The following CSMD3 variants were observed in gnomAD, a reference collection of about 807,000 sequenced individuals.
CSMD3 encodes CUB and sushi domain-containing protein 3.
A neutral mutation model predicts 435.2 loss-of-function variants in CSMD3; 177 were observed. The observed-to-expected ratio is 0.41, with a 90% confidence interval of 0.36 to 0.46. CSMD3 has a LOEUF of 0.46. Among genes scored for constraint, CSMD3 ranks in the 20% least tolerant of loss-of-function variants. The pLI is 0.34. For synonymous variants in CSMD3, 1,656 were observed against 1,520.5 expected, an observed-to-expected ratio of 1.09 and a Z score of -2.07; for missense variants, 4,265 against 4,504.6, an observed-to-expected ratio of 0.95 and a Z score of 1.52.
chr8:112,897,870 T>C (rs960851379), intron 10 of CSMD3, among the ~76,000 whole-genome samples: 1 of 151,236 alleles, frequency 6.6e-6, no homozygotes, highest in African/African-American at 2.4e-5. Context: ...GGAAATATTA[T>C]TTTTGTTATA....
rs576765906 is a variant in CSMD3, at chr8:112,259,025, C to T, written c.9863-3598G>A. Among the ~76,000 whole-genome samples, 44 of 151,616 alleles carry T rather than the reference C, an allele frequency of 2.9e-4. 1 individual carries two copies. The South Asian group carries it at 7.9e-3, about 27-fold the overall frequency. On this transcript the variant is annotated intron_variant, in intron 61 of 70. Transcript: ENST00000297405. ...CTGCACTCCAGCCTGGGCTACAGAG[C>T]GAGAATCTATCTCCCAAAAAAAAAA...
intron 1 of CSMD3, among the ~76,000 whole-genome samples, chr8:113,321,558 T>C (rs777214431): frequency 6.6e-6 from 1 of 152,188 alleles, no homozygotes; most frequent in Non-Finnish European, 1.5e-5. Flanking sequence ...TTATTTACAA[T>C]GTAATTTTTT....
At chr8:113,367,421 T>C (rs1261574249) in intron 1 of CSMD3, among the ~76,000 whole-genome samples, 1 of 152,070 alleles carries the variant, frequency 6.6e-6, no homozygotes, top group African/African-American at 2.4e-5. Flanking sequence ...AAGTTATAAA[T>C]TTATCCATTA....
chr8:112,288,058 G>GA (rs1412848632), intron 57 of CSMD3, among the ~76,000 whole-genome samples: 3 of 140,712 alleles, frequency 2.1e-5, no homozygotes, highest in East Asian at 4.4e-4. Context: ...GAGAAGGGTT[G>GA]AAAATATAAG....
chr8:112,589,126 C>T (rs1372674179), intron 22 of CSMD3, among the ~76,000 whole-genome samples: 1 of 152,140 alleles, frequency 6.6e-6, no homozygotes, highest in Admixed American at 6.6e-5. Context: ...AATTGCACGT[C>T]TAATCTTGCA....
rs114245060 is a variant in CSMD3 at position 112,632,979 on chromosome 8, A to G, written c.3715+3838T>C. The stretch of plus-strand genomic sequence containing the variant: ...AAAATATCATTTTTTCTGTTTTTAA[A>G]GTTTTTCCCAAAATGTGAAGTATAA... On this transcript the variant is annotated intron_variant, in intron 22 of 70. Coordinates refer to ENST00000297405, the MANE Select transcript of CSMD3 (RefSeq NM_198123.2). Among the ~76,000 whole-genome samples, 634 of 152,062 alleles carry G rather than the reference A, an allele frequency of 4.2e-3. 3 individuals are homozygous for G. Among genetic ancestry groups the G allele is most frequent in the African/African-American group, 0.014 (597 of 41,532 alleles).
At chr8:112,921,814 C>CT in intron 9 of CSMD3, 63 bp from the exon 10 acceptor site, 1 of 1,320,820 alleles carries the variant, frequency 7.6e-7, no homozygotes, top group African/African-American at 1.4e-5. Context: ...CTAGGCTTCA[C>CT]TTCTGCTGGC....
chr8:113,316,573 G>A (rs560102724), intron 1 of CSMD3, among the ~76,000 whole-genome samples: 18 of 146,816 alleles, frequency 1.2e-4, no homozygotes, highest in Admixed American at 1.2e-3. Flanking sequence ...TTTTTGAGAC[G>A]GAATCTTGCT....
chr8:113,379,393 C>T (rs1391733122), intron 1 of CSMD3, among the ~76,000 whole-genome samples: 4 of 151,894 alleles, frequency 2.6e-5, no homozygotes, highest in Admixed American at 1.3e-4. Flanking sequence ...AATAATATTC[C>T]ACAAGGCATA....
intron 3 of CSMD3, among the ~76,000 whole-genome samples, chr8:113,240,434 T>C (rs1010586467): frequency 6.6e-6 from 1 of 152,116 alleles, no homozygotes; most frequent in African/African-American, 2.4e-5. Flanking sequence ...AATTGTCCCA[T>C]TGTCTTCCAC....
rs764284781 is a variant in CSMD3, at chr8:112,335,386, G to C, written c.7108C>G (p.Leu2370Val). 1 of 1,613,888 alleles carries C rather than the reference G, an allele frequency of 6.2e-7. No homozygotes were observed. Among genetic ancestry groups the C allele is most frequent in the Non-Finnish European group, 8.5e-7 (1 of 1,179,856 alleles). The stretch of plus-strand genomic sequence containing the variant: ...GTGAAATCACTGTGGAATTTGATTA[G>C]AATCTGATTTGAAGTACTGTAGACT... ...ESVYSTSNQI[L>V]IKFHSDFTTS... The change falls in exon 45 of 71, where the codon CTA becomes GTA. Residue 2370 changes from leucine (L) to valine (V), a missense_variant. By Grantham distance (32) the Leu-to-Val change is conservative. This residue lies in a region of CSMD3 where 3,255 missense variants were observed against 3,380.2 expected (regional missense o/e 0.96). Transcript: ENST00000297405.
intron 1 of CSMD3, among the ~76,000 whole-genome samples, chr8:113,315,666 G>A (rs1489196771): frequency 6.8e-6 from 1 of 147,388 alleles, no homozygotes; most frequent in African/African-American, 2.5e-5. Context: ...TATATCAAAT[G>A]TATATTAAAC....
chr8:113,314,638 G>C lies in CSMD3; in HGVS notation c.334C>G (p.Leu112Val), dbSNP rs374943641. 9.3e-6 allele frequency: 15 copies of C among 1,610,700 alleles called. No homozygotes were observed. The highest frequency in any genetic ancestry group is 1.7e-5 in the Admixed American group (1 of 59,978). The change falls in exon 2 of 71, where the codon CTA becomes GTA. Residue 112 changes from leucine (L) to valine (V), a missense_variant. Transcript: ENST00000297405. ...RIQIVFQSFA[L>V]EEEYDYLSLY... is the part of the protein sequence containing the mutation. ...GATAAGTAGTCGTATTCTTCTTCTA[G>C]AGCAAATGACTGAAAAACAATTTGT...
Position 112,792,041 on chromosome 8 carries a change from T to C in CSMD3, c.1972+8121A>G, listed in dbSNP as rs114575867. Among the ~76,000 whole-genome samples the C allele has an allele frequency of 7.4e-3, 1,122 of 152,294 alleles. 13 individuals are homozygous for C. Among genetic ancestry groups the C allele is most frequent in the African/African-American group, 0.025 (1,034 of 41,568 alleles). On this transcript the variant is annotated intron_variant, in intron 13 of 70. Coordinates refer to ENST00000297405, the MANE Select transcript of CSMD3 (RefSeq NM_198123.2). Reference sequence around the variant, plus strand: ...TTGTGAAGTGTTTCATCAACTCTTTTACTGATTTTAAATTGGTTTGTTTGC... The same window carrying C: ...TTGTGAAGTGTTTCATCAACTCTTTCACTGATTTTAAATTGGTTTGTTTGC...
At chr8:113,412,517 A>C (rs1352344072) in intron 1 of CSMD3, among the ~76,000 whole-genome samples, 1 of 152,122 alleles carries the variant, frequency 6.6e-6, no homozygotes, top group Non-Finnish European at 1.5e-5. Flanking sequence ...ACTTTTTATA[A>C]ATTGAAACAT....
intron 10 of CSMD3, among the ~76,000 whole-genome samples, chr8:112,877,930 T>C (rs893811503): frequency 1.3e-5 from 2 of 152,008 alleles, no homozygotes; most frequent in African/African-American, 2.4e-5. Context: ...AGGTGGGTTA[T>C]AGACTTAAAC....
In CSMD3 at chr8:112,298,655, C is replaced by G. The variant is rs986012467; in HGVS notation, c.8441-2649G>C. Among the ~76,000 whole-genome samples, 6 of 152,212 alleles carry G rather than the reference C, an allele frequency of 3.9e-5. No homozygotes were observed. The East Asian group carries it at 9.6e-4, about 24-fold the overall frequency. On this transcript the variant is annotated intron_variant, in intron 53 of 70. Transcript: ENST00000297405. ...CATAACAAAAAGGCAAGTCAATATA[C>G]TTTACCACTTCACAAAGGAAAATTT...
At chr8:113,021,702 T>C (rs994531199) in intron 5 of CSMD3, among the ~76,000 whole-genome samples, 1 of 152,128 alleles carries the variant, frequency 6.6e-6, no homozygotes, top group African/African-American at 2.4e-5. Flanking sequence ...AGTAATAGAG[T>C]ACAGTAAAGG....
At chr8:113,018,428 T>C (rs1000592667) in intron 6 of CSMD3, among the ~76,000 whole-genome samples, 2 of 151,938 alleles carry the variant, frequency 1.3e-5, no homozygotes. Context: ...CCCTGAAAAG[T>C]AGCTGATACA....
Sources: allele counts gnomAD v4.1 joint callset (sites outside exome capture counted in the v4.1 genomes callset), GRCh38; gene constraint gnomAD v4.1.1; regional missense constraint gnomAD v4.1.1; transcripts MANE v1.5; gene names NCBI Gene and HGNC (gene_info 2026-07-23, HGNC 2026-07-21).